SNX32: variants seen among roughly 807,000 people sequenced by gnomAD.
The protein encoded by SNX32 is sorting nexin-32.
SNX32 carries 58 observed loss-of-function variants against 57.0 expected under a neutral mutation model. The ratio of observed to expected loss-of-function variants is 1.02; its 90% CI spans 0.82 to 1.27. SNX32 has a LOEUF of 1.27. Ranked by LOEUF, SNX32 falls within the 50% of genes most tolerant of loss-of-function variation. SNX32 has a pLI of 0.00. For missense variants in SNX32, 589 were observed against 541.2 expected, an observed-to-expected ratio of 1.09 and a Z score of -0.88; for synonymous variants, 262 against 220.4, an observed-to-expected ratio of 1.19 and a Z score of -1.67.
intron 1 of SNX32, among the ~76,000 whole-genome samples, chr11:65,840,845 G>A (rs1858820277): frequency 6.6e-6 from 1 of 151,202 alleles, no homozygotes; most frequent in Non-Finnish European, 1.5e-5. Flanking sequence ...ATTAATAAGT[G>A]AGTTCAGCAA....
chr11:65,839,225 A>ATTTTTTTTTGTTTTTTTTT (rs1858759412), intron 1 of SNX32, among the ~76,000 whole-genome samples: 1 of 27,622 alleles, frequency 3.6e-5, no homozygotes, highest in African/African-American at 1.5e-4. Context: ...ATTTTTTTGT[A>ATTTTTTTTTGTTTTTTTTT]TTTTTTTTTT....
rs1356718485 is a variant in SNX32, at chr11:65,853,365, T to C, written c.*30T>C. 1 of 1,611,540 alleles carries C rather than the reference T, an allele frequency of 6.2e-7. No homozygotes were observed. Among genetic ancestry groups the C allele is most frequent in the Non-Finnish European group, 8.5e-7 (1 of 1,177,802 alleles). ...GCCAGAGCTCAGCCAGACCCTAATC[T>C]GGGATCTCCAGTGACCAGGGTATCC... On this transcript the variant is annotated 3_prime_UTR_variant, in exon 13 of 13. Coordinates refer to ENST00000308342, the MANE Select transcript of SNX32 (RefSeq NM_152760.3).
In SNX32 at chr11:65,853,367, G is replaced by A. The variant is rs1859290382; in HGVS notation, c.*32G>A. 6.2e-7 allele frequency: 1 copy of A among 1,610,130 alleles called. No homozygotes were observed. The highest frequency in any genetic ancestry group is 1.3e-5 in the African/African-American group (1 of 74,792). On this transcript the variant is annotated 3_prime_UTR_variant, in exon 13 of 13. Transcript: ENST00000308342. Reference sequence around the variant, plus strand: ...CAGAGCTCAGCCAGACCCTAATCTGGGATCTCCAGTGACCAGGGTATCCCA... The same window carrying A: ...CAGAGCTCAGCCAGACCCTAATCTGAGATCTCCAGTGACCAGGGTATCCCA...
chr11:65,852,561 A>G lies in SNX32; in HGVS notation c.912+10A>G, dbSNP rs1162829864. ...CTCACAGGCAGCCAAGGTGAGAGGC[A>G]GCCCCAGCGCAGCGCTCAGGCCCGG... On this transcript the variant is annotated intron_variant, in intron 10 of 12. Coordinates refer to ENST00000308342, the MANE Select transcript of SNX32 (RefSeq NM_152760.3). 1 of 1,614,100 alleles carries G rather than the reference A, an allele frequency of 6.2e-7. No homozygotes were observed. The highest frequency in any genetic ancestry group is 8.5e-7 in the Non-Finnish European group (1 of 1,179,968).
intron 1 of SNX32, among the ~76,000 whole-genome samples, chr11:65,834,389 GTGTGTCTC>G (rs1380197209): frequency 4.0e-5 from 6 of 150,842 alleles, no homozygotes; most frequent in Non-Finnish European, 5.9e-5. Context: ...CTGTGTCTTT[GTGTGTCTC>G]TGTGTATCTG....
intron 2 of SNX32, 152 bp from the exon 3 acceptor site, chr11:65,849,768 G>T: frequency 3.9e-6 from 3 of 766,306 alleles, no homozygotes; most frequent in Non-Finnish European, 4.3e-6. Flanking sequence ...AATCATTCCT[G>T]TCCACCATTC....
intron 1 of SNX32, among the ~76,000 whole-genome samples, chr11:65,843,845 T>C (rs1006604941): frequency 6.6e-6 from 1 of 152,208 alleles, no homozygotes; most frequent in Non-Finnish European, 1.5e-5. Flanking sequence ...CAACAGTTCC[T>C]ACAAATTACT....
chr11:65,843,122 G>A (rs1858893024), intron 1 of SNX32, among the ~76,000 whole-genome samples: 1 of 151,036 alleles, frequency 6.6e-6, no homozygotes. Flanking sequence ...TAGGGAGGCT[G>A]AGGCAGGAGA....
intron 1 of SNX32, among the ~76,000 whole-genome samples, chr11:65,846,658 T>G (rs1859005343): frequency 6.6e-6 from 1 of 151,578 alleles, no homozygotes; most frequent in Non-Finnish European, 1.5e-5. Flanking sequence ...TTGATGGGTG[T>G]GGGGCAAGAA....
intron 9 of SNX32, among the ~76,000 whole-genome samples, chr11:65,852,051 T>C (rs1170680715): frequency 1.3e-5 from 2 of 152,134 alleles, no homozygotes; most frequent in South Asian, 2.1e-4. Flanking sequence ...TCCTAAAATG[T>C]CTATTGGACC....
chr11:65,851,192 C>CT (rs1859179381), intron 7 of SNX32, 32 bp downstream of exon 7: 2 of 1,605,050 alleles, frequency 1.2e-6, no homozygotes, highest in African/African-American at 2.7e-5. Flanking sequence ...CTGGATCCCC[C>CT]TGCCCCTCTC....
At chr11:65,851,442 G>GT (rs1859192994) in intron 8 of SNX32, 39 bp downstream of exon 8, 1 of 1,604,778 alleles carries the variant, frequency 6.2e-7, no homozygotes, top group South Asian at 1.1e-5. Context: ...CCCTGTGCCT[G>GT]TAATACCATG....
chr11:65,841,162 C>T (rs1858830314), intron 1 of SNX32, among the ~76,000 whole-genome samples: 1 of 150,864 alleles, frequency 6.6e-6, no homozygotes, highest in Non-Finnish European at 1.5e-5. Flanking sequence ...CCAGCCTGGT[C>T]CTCGAACTCC....
At position 65,853,252 on chromosome 11, in the gene SNX32, G is replaced by T. The variant is rs540852354; in HGVS notation, c.1159-30G>T. The T allele has an allele frequency of 4.3e-4, 690 of 1,613,914 alleles. 7 individuals carry two copies. The South Asian group carries it at 7.2e-3, about 17-fold the overall frequency. On this transcript the variant is annotated intron_variant, in intron 12 of 12. Coordinates refer to ENST00000308342, the MANE Select transcript of SNX32 (RefSeq NM_152760.3). Reference sequence around the variant, plus strand: ...ATGGCAGCCTGACTCAGGGAGCAGGGGACTTCAAGGACCTGTTTCTCCTCT... The same window carrying T: ...ATGGCAGCCTGACTCAGGGAGCAGGTGACTTCAAGGACCTGTTTCTCCTCT...
chr11:65,836,545 AAAAT>A (rs1302914211), intron 1 of SNX32, among the ~76,000 whole-genome samples: 2 of 152,212 alleles, frequency 1.3e-5, no homozygotes, highest in African/African-American at 2.4e-5. Flanking sequence ...ATCTGTCTCA[AAAAT>A]AAATAAATAA....
Position 65,851,066 on chromosome 11 carries a change from CTTCT to C in SNX32, c.618_621del (p.Phe206LeufsTer43). 2 of 1,614,030 alleles carry C rather than the reference CTTCT, an allele frequency of 1.2e-6. No individual in the cohort carries two copies. The highest frequency in any genetic ancestry group is 8.5e-7 in the Non-Finnish European group (1 of 1,179,926). On this transcript the variant is annotated frameshift_variant, in exon 7 of 13. Transcript: ENST00000308342. LOFTEE classifies it high-confidence loss of function. ...CCTGGCTCCCTTAGGAGGTGGATGA[CTTCT>C]TTGAGCATGAGAGGACCTTCCTGTT...
intron 1 of SNX32, among the ~76,000 whole-genome samples, chr11:65,847,476 CAAAT>C (rs1859034473): frequency 6.6e-6 from 1 of 151,746 alleles, no homozygotes; most frequent in South Asian, 2.1e-4. Context: ...ACCCTGTCTC[CAAAT>C]AAATAAATAA....
In SNX32 at chr11:65,852,525, T is replaced by G. The variant is rs1044168082; in HGVS notation, c.886T>G (p.Tyr296Asp). 6.2e-7 allele frequency: 1 copy of G among 1,614,094 alleles called. No homozygotes were observed. Among genetic ancestry groups the G allele is most frequent in the African/African-American group, 1.3e-5 (1 of 74,928 alleles). ...GAAGCTGTCAGACATGCTGAGGTAC[T>G]ACATGCGTGACTCACAGGCAGCCAA... ...DLKLSDMLRY[Y>D]MRDSQAAKDL... is the part of the protein sequence containing the mutation. The change falls in exon 10 of 13, where the codon TAC becomes GAC. Residue 296 changes from tyrosine to aspartate, a missense_variant. Transcript: ENST00000308342.
In SNX32 at chr11:65,850,019, G is replaced by T. The variant is rs766592313; in HGVS notation, c.241G>T (p.Ala81Ser). 1 of 1,613,996 alleles carries T rather than the reference G, an allele frequency of 6.2e-7. No individual in the cohort carries two copies. ...HDAYVENEEY[A>S]GLIIPPAPPR... is the part of the protein sequence containing the mutation. ...TGCCTACGTGGAGAATGAGGAGTAC[G>T]CCGGCCTCATCGTGAGGAGGGGCTG... Residue 81 changes from alanine (A) to serine (S), a missense_variant, in exon 3 of 13, where the codon GCC becomes TCC. By Grantham distance (99) the Ala-to-Ser change is moderately conservative (BLOSUM62 1). Coordinates refer to ENST00000308342, the MANE Select transcript of SNX32 (RefSeq NM_152760.3).
Sources: allele counts gnomAD v4.1 joint callset (sites outside exome capture counted in the v4.1 genomes callset), GRCh38; gene constraint gnomAD v4.1.1; transcripts MANE v1.5; gene names NCBI Gene and HGNC (gene_info 2026-07-23, HGNC 2026-07-21).